The following DNAH12 variants were observed in gnomAD, a reference collection of about 807,000 sequenced individuals.
DNAH12 encodes axonemal beta dynein heavy chain 12.
In DNAH12, 285 loss-of-function variants were observed where a neutral mutation model predicts 371.5. That is an observed-to-expected ratio of 0.77 (90% CI 0.70 to 0.85). The LOEUF (loss-of-function observed/expected upper bound fraction) is 0.85, where lower values mean the gene tolerates loss of function less well. Ranked by LOEUF, DNAH12 falls within the 40% of genes least tolerant of loss-of-function variation. The pLI is 0.00. For synonymous variants in DNAH12, 1,200 were observed against 1,213.0 expected (o/e 0.99, Z 0.22); for missense variants, 3,611 against 3,689.4 (o/e 0.98, Z 0.55).
intron 55 of DNAH12, among the ~76,000 whole-genome samples, chr3:57,371,040 G>A (rs959511499): frequency 6.6e-6 from 1 of 152,120 alleles, no homozygotes; most frequent in South Asian, 2.1e-4. Context: ...GTGTAGCTGT[G>A]GGTCTATATC....
chr3:57,393,386 G>C (rs891024417), intron 44 of DNAH12, among the ~76,000 whole-genome samples: 2 of 152,052 alleles, frequency 1.3e-5, no homozygotes, highest in African/African-American at 4.8e-5. Context: ...CCAGCACTTT[G>C]GGGGGCCGAG....
At chr3:57,484,513 T>A (rs1348855880) in intron 12 of DNAH12, among the ~76,000 whole-genome samples, 1 of 152,008 alleles carries the variant, frequency 6.6e-6, no homozygotes, top group Admixed American at 6.6e-5. Context: ...AGGATCTCCA[T>A]CTCTCACCTT....
At chr3:57,449,719 G>C (rs11130585) in intron 25 of DNAH12, among the ~76,000 whole-genome samples, 64,518 of 152,044 alleles carry the variant, frequency 0.42, 15,283 homozygotes, top group South Asian at 0.57. Flanking sequence ...GTTCCCGCTC[G>C]CGCCTCTCCC....
At chr3:57,294,090 T>A (rs1418647271) in intron 73 of DNAH12, 119 bp from the exon 74 acceptor site, 2 of 837,690 alleles carry the variant, frequency 2.4e-6, no homozygotes, top group Non-Finnish European at 3.4e-6. Context: ...ATAATTGTGA[T>A]ATATGAAGGT....
chr3:57,314,243 G>A (rs1182524695), intron 66 of DNAH12, among the ~76,000 whole-genome samples: 1 of 152,126 alleles, frequency 6.6e-6, no homozygotes, highest in Non-Finnish European at 1.5e-5. Context: ...CAAACCCAGA[G>A]TGTGTCCTTC....
chr3:57,383,516 T>G (rs2063438557), intron 49 of DNAH12, among the ~76,000 whole-genome samples: 1 of 151,272 alleles, frequency 6.6e-6, no homozygotes, highest in Non-Finnish European at 1.5e-5. Flanking sequence ...TTTGTCAAAC[T>G]AAGTAGCTGC....
intron 53 of DNAH12, among the ~76,000 whole-genome samples, chr3:57,376,615 C>T (rs2153339498): frequency 6.6e-6 from 1 of 152,226 alleles, no homozygotes; most frequent in South Asian, 2.1e-4. Flanking sequence ...TTATATCTTC[C>T]TTAACATAAA....
intron 60 of DNAH12, among the ~76,000 whole-genome samples, chr3:57,345,925 T>C (rs1575483864): frequency 6.6e-6 from 1 of 152,186 alleles, no homozygotes. Flanking sequence ...GTCACAAATC[T>C]TCAGAAATTT....
Position 57,323,219 on chromosome 3 carries a change from T to G in DNAH12, c.10171A>C (p.Lys3391Gln). ...TGTCCCAGTGAAATAGCTTGAAACT[T>G]ATTTCCAGACATAGATTTATCATTT... ...FANDKSMSGN[K>Q]FQAISLGQGQ... is the part of the protein sequence containing the mutation. Residue 3391 changes from lysine (K) to glutamine (Q), a missense_variant, in exon 64 of 74, where the codon AAG becomes CAG. This residue lies in a region of DNAH12 where 2,266 missense variants were observed against 2,236.9 expected (regional missense o/e 1.01). Transcript: ENST00000495027. 6.4e-7 allele frequency: 1 copy of G among 1,552,114 alleles called. No homozygotes were observed. The highest frequency in any genetic ancestry group is 1.2e-5 in the South Asian group (1 of 84,056).
At chr3:57,351,844 C>T (rs2062682367) in intron 60 of DNAH12, among the ~76,000 whole-genome samples, 1 of 152,194 alleles carries the variant, frequency 6.6e-6, no homozygotes, top group African/African-American at 2.4e-5. Flanking sequence ...CAGATCCTCC[C>T]TTTGTAAGAA....
At chr3:57,502,838 C>T (rs2067604283) in intron 9 of DNAH12, among the ~76,000 whole-genome samples, 2 of 152,158 alleles carry the variant, frequency 1.3e-5, no homozygotes. Flanking sequence ...AGCCATCATG[C>T]CTGGCCTATT....
rs2064016553 is a variant in DNAH12 at position 57,406,088 on chromosome 3, C to T, written c.6277-136G>A. 3 of 903,372 alleles carry T rather than the reference C, an allele frequency of 3.3e-6. No homozygotes were observed. In the African/African-American group the frequency reaches 5.1e-5, roughly 15 times the overall value. The allele number at this position is 903,372 out of a possible 1,614,324, so 56.0% of individuals were successfully genotyped here. ...GGCTTGGGCTGGGCGCGGTGGCTCA[C>T]ATCTGTAATCGCAGCACTTTTGGAG... On this transcript the variant is annotated intron_variant, in intron 40 of 73. Transcript: ENST00000495027.
In DNAH12 at chr3:57,483,489, T is replaced by C. The variant is rs199570531; in HGVS notation, c.1537A>G (p.Ile513Val). ...NECICSEFEA[I>V]KEHALKVPET... ...GGGACTTTTAATGCATGTTCTTTAA[T>C]TGCTTCAAATTCACTGCAAATACTG... The change falls in exon 13 of 74, where the codon ATT becomes GTT. Residue 513 changes from isoleucine to valine, a missense_variant. By Grantham distance (29) the Ile-to-Val change is conservative. Around this residue, in one of 3 missense-constraint regions of DNAH12, gnomAD observed 1,314 missense variants for 1,398.7 expected, o/e 0.94. Coordinates refer to ENST00000495027, the MANE Select transcript of DNAH12 (RefSeq NM_001366028.2). 2.6e-4 allele frequency: 399 copies of C among 1,550,580 alleles called. No individual in the cohort carries two copies. Among genetic ancestry groups the C allele is most frequent in the Non-Finnish European group, 3.3e-4 (378 of 1,146,708 alleles).
chr3:57,403,207 A>C (rs533973001), intron 43 of DNAH12, 102 bp downstream of exon 43: 6 of 1,148,688 alleles, frequency 5.2e-6, no homozygotes, highest in Admixed American at 2.9e-5. Context: ...CATCATCATC[A>C]TCACTGGAGT....
intron 4 of DNAH12, among the ~76,000 whole-genome samples, chr3:57,513,837 C>G (rs2068086921): frequency 6.6e-6 from 1 of 152,132 alleles, no homozygotes; most frequent in South Asian, 2.1e-4. Flanking sequence ...GAAGCAAACA[C>G]TCTCATAAAT....
intron 43 of DNAH12, among the ~76,000 whole-genome samples, chr3:57,399,389 T>C (rs1188281031): frequency 1.3e-5 from 2 of 151,166 alleles, no homozygotes; most frequent in Admixed American, 1.3e-4. Context: ...AGTGGCCAAA[T>C]GGATTAAAAA....
chr3:57,490,041 A>T (rs2067065283), intron 11 of DNAH12, among the ~76,000 whole-genome samples: 1 of 152,202 alleles, frequency 6.6e-6, no homozygotes, highest in African/African-American at 2.4e-5. Flanking sequence ...ATAGTGGATA[A>T]ATATTTGCTT....
chr3:57,469,782 G>C (rs1212721547), intron 16 of DNAH12, among the ~76,000 whole-genome samples: 1 of 152,004 alleles, frequency 6.6e-6, no homozygotes, highest in African/African-American at 2.4e-5. Context: ...CTAAGCCCTG[G>C]GTATACATGA....
intron 45 of DNAH12, 119 bp from the exon 46 acceptor site, chr3:57,387,338 G>A (rs1051262845): frequency 3.9e-5 from 6 of 152,182 alleles, no homozygotes; most frequent in African/African-American, 1.4e-4. Flanking sequence ...ATTTGGTGTT[G>A]AGAAAATCAA....
Sources: gnomAD v4.1 joint callset for allele counts (sites outside exome capture counted in the v4.1 genomes callset) on GRCh38, gnomAD v4.1.1 for gene constraint, gnomAD v4.1.1 regional missense constraint, MANE v1.5 for transcripts, NCBI Gene and HGNC (gene_info 2026-07-23, HGNC 2026-07-21) for gene names.